Variants in SPAG1 observed in about 807,000 individuals in gnomAD.
SPAG1 encodes the protein sperm associated antigen 1.
Under a neutral mutation model 100.5 loss-of-function variants are expected in SPAG1, and 69 were observed. The observed-to-expected ratio is 0.69, with a 90% CI of 0.57 to 0.84. The LOEUF (loss-of-function observed/expected upper bound fraction) is 0.84. Among genes scored for constraint, SPAG1 ranks in the 40% least tolerant of loss-of-function variants. SPAG1 has a pLI of 0.00. For synonymous variants in SPAG1, 336 were observed against 411.6 expected, an observed-to-expected ratio of 0.82 and a Z score of 2.22; for missense variants, 955 against 1,133.1, an observed-to-expected ratio of 0.84 and a Z score of 2.26.
intron 10 of SPAG1, among the ~76,000 whole-genome samples, chr8:100,198,034 T>C (rs1817106087): frequency 1.3e-5 from 2 of 152,188 alleles, no homozygotes; most frequent in African/African-American, 2.4e-5. Flanking sequence ...GCCATTACCA[T>C]ACAGCTGTAG....
rs200461692 is a variant in SPAG1 at position 100,177,859 on chromosome 8, T to C, written c.344T>C (p.Phe115Ser). ...AAAAAAGAAGAAGATAAAATGCACT[T>C]TCATGAAACTGAGACATTTCCAGCA... ...EIKKEEDKMH[F>S]HETETFPAMK... The change falls in exon 4 of 19, where the codon TTT becomes TCT. Residue 115 changes from phenylalanine (F) to serine (S), a missense_variant. By Grantham distance (155) the Phe-to-Ser change is radical. Coordinates refer to ENST00000388798, the MANE Select transcript of SPAG1 (RefSeq NM_003114.5). The C allele has an allele frequency of 6.3e-7, 1 of 1,585,388 alleles. No individual in the cohort carries two copies. Among genetic ancestry groups the C allele is most frequent in the East Asian group, 2.2e-5 (1 of 44,726 alleles).
intron 3 of SPAG1, among the ~76,000 whole-genome samples, chr8:100,177,024 T>C (rs2514710): frequency 0.66 from 99,393 of 151,278 alleles, 33,605 homozygotes; most frequent in African/African-American, 0.82. Flanking sequence ...GCAACTGCAA[T>C]GGTAGCTTAT....
intron 8 of SPAG1, among the ~76,000 whole-genome samples, chr8:100,188,670 G>A (rs1055824057): frequency 1.3e-5 from 2 of 151,986 alleles, no homozygotes; most frequent in African/African-American, 4.8e-5. Context: ...ATTCCAAGAG[G>A]GAGTGACATA....
rs1817799829 is a variant in SPAG1, at chr8:100,213,106, G to T, written c.1113G>T (p.Ala371=). 6.8e-7 allele frequency: 1 copy of T among 1,479,194 alleles called. No homozygotes were observed. Among genetic ancestry groups the T allele is most frequent in the South Asian group, 1.3e-5 (1 of 79,190 alleles). 91.6% of individuals were successfully genotyped at this position (1,479,194 alleles called of 1,614,324 possible). Residue 371 remains alanine, a synonymous_variant, in exon 11 of 19, where the codon GCG becomes GCT. Transcript: ENST00000388798. ...TCCTCACAGAGCCCGCGGAGCCGGCGGGAGCCGCGCGCGCCGCCCAGCCGT... is the reference window on the plus strand; with the variant it reads ...TCCTCACAGAGCCCGCGGAGCCGGCTGGAGCCGCGCGCGCCGCCCAGCCGT... The part of the protein sequence containing the change: ...GGGDKKPAEP[A]GAARAAQPCV...
chr8:100,184,084 AT>A (rs1357935941), intron 6 of SPAG1, 22 bp downstream of exon 6: 5 of 1,085,380 alleles, frequency 4.6e-6, no homozygotes, highest in Non-Finnish European at 6.6e-6. Flanking sequence ...AAAAATAATA[AT>A]TTAGTAGTCT....
chr8:100,222,922 C>T (rs1375904590), intron 13 of SPAG1, among the ~76,000 whole-genome samples: 1 of 152,106 alleles, frequency 6.6e-6, no homozygotes, highest in Non-Finnish European at 1.5e-5. Context: ...GCAGCCACTC[C>T]CCATTTTCCT....
chr8:100,231,100 A>G lies in SPAG1; in HGVS notation c.1856-56A>G, dbSNP rs1818746846. On this transcript the variant is annotated intron_variant, in intron 14 of 18. Coordinates refer to ENST00000388798, the MANE Select transcript of SPAG1 (RefSeq NM_003114.5). Reference sequence around the variant, plus strand: ...AGATTTACTTATAGTTGTACTTAAGATTTTATAGAGGTGCTTGTACAGATA... The same window carrying G: ...AGATTTACTTATAGTTGTACTTAAGGTTTTATAGAGGTGCTTGTACAGATA... 4 of 1,486,050 alleles carry G rather than the reference A, an allele frequency of 2.7e-6. No individual in the cohort carries two copies. In the South Asian group the frequency reaches 5.7e-5, roughly 21 times the overall value. 92.1% of individuals were successfully genotyped at this position (1,486,050 alleles called of 1,614,324 possible).
At chr8:100,207,492 A>G (rs998546951) in intron 10 of SPAG1, among the ~76,000 whole-genome samples, 6 of 152,224 alleles carry the variant, frequency 3.9e-5, no homozygotes, top group African/African-American at 1.4e-4. Flanking sequence ...GCCCCTTTCC[A>G]GGACATCCCT....
intron 10 of SPAG1, among the ~76,000 whole-genome samples, chr8:100,206,788 G>C (rs977005086): frequency 3.9e-5 from 6 of 152,186 alleles, no homozygotes; most frequent in Non-Finnish European, 7.3e-5. Context: ...TTCTTCATTT[G>C]GGTGTGTTAC....
At position 100,239,382 on chromosome 8, in the gene SPAG1, G is replaced by T; in HGVS notation, c.2258G>T (p.Arg753Ile). 1.2e-6 allele frequency: 2 copies of T among 1,605,796 alleles called. No individual in the cohort carries two copies. The highest frequency in any genetic ancestry group is 8.5e-7 in the Non-Finnish European group (1 of 1,172,648). Residue 753 changes from arginine to isoleucine, a missense_variant, in exon 17 of 19, where the codon AGA becomes ATA. Coordinates refer to ENST00000388798, the MANE Select transcript of SPAG1 (RefSeq NM_003114.5). The surrounding 1 kb of genome is among the most constrained non-coding windows in gnomAD (Gnocchi z 5.0). The part of the protein sequence containing the change: ...KTAPFNKEKE[R>I]RKIEIQEVNE... ...GCACCATTCAACAAAGAAAAGGAGA[G>T]AAGGAAAATTGAGATTCAAGAGGTA...
intron 12 of SPAG1, among the ~76,000 whole-genome samples, chr8:100,215,864 T>A (rs1023679554): frequency 3.9e-5 from 6 of 152,242 alleles, no homozygotes; most frequent in Non-Finnish European, 8.8e-5. Context: ...TATCTGTGCC[T>A]AAGTTTAAAA....
At chr8:100,229,936 C>T (rs183714097) in intron 14 of SPAG1, among the ~76,000 whole-genome samples, 54 of 152,246 alleles carry the variant, frequency 3.5e-4, no homozygotes, top group Middle Eastern at 3.4e-3. Context: ...CTCTGATGGC[C>T]CCATTTTCAC....
chr8:100,190,030 G>C (rs1160965886), intron 8 of SPAG1, among the ~76,000 whole-genome samples: 1 of 152,098 alleles, frequency 6.6e-6, no homozygotes, highest in Admixed American at 6.6e-5. Flanking sequence ...TAACTTTTCA[G>C]GCAGGCGCGG....
intron 7 of SPAG1, 126 bp downstream of exon 7, chr8:100,184,859 T>C: frequency 1.6e-6 from 1 of 611,714 alleles, no homozygotes; most frequent in Non-Finnish European, 2.8e-6. Flanking sequence ...TTGTGATTTA[T>C]CATATATTCA....
At chr8:100,193,021 A>G (rs1263478339) in intron 9 of SPAG1, among the ~76,000 whole-genome samples, 2 of 152,264 alleles carry the variant, frequency 1.3e-5, no homozygotes, top group East Asian at 1.9e-4. Context: ...TCTAGAAGAA[A>G]ACATAGGAGA....
At chr8:100,187,526 A>G (rs941455461) in intron 8 of SPAG1, among the ~76,000 whole-genome samples, 3 of 152,080 alleles carry the variant, frequency 2.0e-5, no homozygotes, top group African/African-American at 4.8e-5. Flanking sequence ...AACAACAAAA[A>G]TAAAATAAAA....
chr8:100,186,060 C>CTTTTTT (rs71274962), intron 7 of SPAG1, among the ~76,000 whole-genome samples: 22 of 89,964 alleles, frequency 2.4e-4, no homozygotes, highest in South Asian at 4.1e-4. Flanking sequence ...TGGGCAGATT[C>CTTTTTT]TTTTTTTTTT....
At chr8:100,232,484 C>T (rs1476628022) in intron 15 of SPAG1, among the ~76,000 whole-genome samples, 1 of 152,174 alleles carries the variant, frequency 6.6e-6, no homozygotes, top group Non-Finnish European at 1.5e-5. Flanking sequence ...CTTCTGCACT[C>T]AGGGCTGGAT....
chr8:100,159,119 C>T (rs1020679568), intron 1 of SPAG1: 2 of 152,028 alleles, frequency 1.3e-5, no homozygotes, highest in Non-Finnish European at 1.5e-5. Flanking sequence ...TGCAAAATAC[C>T]TTCAATTCAA....
Sources: gnomAD v4.1 joint callset for allele counts (sites outside exome capture counted in the v4.1 genomes callset) on GRCh38, gnomAD v4.1.1 for gene constraint, Gnocchi (gnomAD v3.1) non-coding constraint, MANE v1.5 for transcripts, NCBI Gene and HGNC (gene_info 2026-07-23, HGNC 2026-07-21) for gene names.